The following MTA3 variants were observed in gnomAD, a reference collection of about 807,000 sequenced individuals.
MTA3 encodes the protein metastasis-associated protein MTA3.
In MTA3, 34 loss-of-function variants were observed where a neutral mutation model predicts 83.5. The observed-to-expected ratio is 0.41, with a 90% CI of 0.31 to 0.54. The LOEUF (loss-of-function observed/expected upper bound fraction) is 0.54, where lower values mean the gene tolerates loss of function less well. Ranked by LOEUF, MTA3 falls within the 20% of genes least tolerant of loss-of-function variation. The probability of loss-of-function intolerance (pLI) is 0.33; values close to 1 mark genes in which losing one functional copy is unlikely to be tolerated. For synonymous variants in MTA3, 303 were observed against 252.7 expected (o/e 1.20, Z -1.89); for missense variants, 761 against 726.4 (o/e 1.05, Z -0.55).
At chr2:42,554,241 AT>A (rs1677273678) in intron 2 of MTA3, among the ~76,000 whole-genome samples, 1 of 152,192 alleles carries the variant, frequency 6.6e-6, no homozygotes, top group African/African-American at 2.4e-5. Flanking sequence ...CTCAAAAAAA[AT>A]AAAGTAAAAT....
intron 2 of MTA3, among the ~76,000 whole-genome samples, chr2:42,499,772 AG>A (rs57173325): frequency 0.27 from 39,336 of 147,366 alleles, 5,733 homozygotes; most frequent in African/African-American, 0.36. Context: ...TAGGCAACAG[AG>A]GGAAAAAAAA....
chr2:42,641,810 G>A (rs1687719631), intron 5 of MTA3, among the ~76,000 whole-genome samples: 1 of 151,996 alleles, frequency 6.6e-6, no homozygotes, highest in Admixed American at 6.6e-5. Context: ...AGGTTGCAGT[G>A]AGCCGAGATC....
intron 2 of MTA3, among the ~76,000 whole-genome samples, chr2:42,527,601 T>C (rs1675774964): frequency 6.6e-6 from 1 of 152,152 alleles, no homozygotes; most frequent in Non-Finnish European, 1.5e-5. Flanking sequence ...CTACATTATC[T>C]ACAGAATACC....
intron 16 of MTA3, among the ~76,000 whole-genome samples, chr2:42,728,527 G>A (rs1330331793): frequency 6.6e-6 from 1 of 152,124 alleles, no homozygotes; most frequent in Non-Finnish European, 1.5e-5. Flanking sequence ...TCTCATAGTG[G>A]TTGTACTAAT....
intron 3 of MTA3, among the ~76,000 whole-genome samples, chr2:42,596,627 A>T (rs1320030806): frequency 6.6e-6 from 1 of 152,188 alleles, no homozygotes; most frequent in South Asian, 2.1e-4. Context: ...CAAAGCAAGT[A>T]CTGTATTAAT....
Position 42,753,755 on chromosome 2 carries a change from C to T in MTA3, c.*356C>T. 1 of 1,147,604 alleles carries T rather than the reference C, an allele frequency of 8.7e-7. No homozygotes were observed. The highest frequency in any genetic ancestry group is 1.1e-6 in the Non-Finnish European group (1 of 926,418). 71.1% of individuals were successfully genotyped at this position (1,147,604 alleles called of 1,614,324 possible). On this transcript the variant is annotated 3_prime_UTR_variant, in exon 17 of 17. Coordinates refer to ENST00000405094, the MANE Select transcript of MTA3 (RefSeq NM_001330442.2). ...CTTGGCAGTGGGGCTGCTGCAAGCT[C>T]AGAGCCGCTGCCACCCTGCATGTGT...
At chr2:42,495,769 G>A (rs78240960) in intron 2 of MTA3, among the ~76,000 whole-genome samples, 22,742 of 152,130 alleles carry the variant, frequency 0.15, 2,088 homozygotes, top group Middle Eastern at 0.22. Flanking sequence ...TTTATTTCAG[G>A]AAGATGCCTT....
chr2:42,661,994 T>C (rs998026857), intron 8 of MTA3, among the ~76,000 whole-genome samples: 24 of 152,304 alleles, frequency 1.6e-4, no homozygotes, highest in African/African-American at 5.8e-4. Context: ...GTTTTTATAG[T>C]TGTATTATTT....
intron 11 of MTA3, chr2:42,702,193 AAG>A (rs1489639185): frequency 6.6e-6 from 1 of 152,418 alleles, no homozygotes; most frequent in African/African-American, 2.4e-5. Context: ...CCTGGGTCAC[AAG>A]AGCGAGACTT....
intron 14 of MTA3, among the ~76,000 whole-genome samples, chr2:42,716,129 T>C (rs1347724521): frequency 1.3e-5 from 2 of 152,172 alleles, no homozygotes; most frequent in African/African-American, 2.4e-5. Flanking sequence ...TATTCAACAA[T>C]AGGTGAAAAG....
intron 3 of MTA3, among the ~76,000 whole-genome samples, chr2:42,598,287 T>C (rs1185068491): frequency 1.3e-5 from 2 of 151,096 alleles, no homozygotes; most frequent in Non-Finnish European, 3.0e-5. Context: ...GGATGGTCTG[T>C]ATCTCCTGAC....
At chr2:42,629,283 G>T (rs1381629582) in intron 4 of MTA3, among the ~76,000 whole-genome samples, 2 of 152,024 alleles carry the variant, frequency 1.3e-5, no homozygotes, top group Non-Finnish European at 2.9e-5. Context: ...GTTTCACCGT[G>T]TTGGCCAGGC....
intron 2 of MTA3, among the ~76,000 whole-genome samples, chr2:42,549,838 A>G (rs182883719): frequency 1.5e-3 from 222 of 150,264 alleles, no homozygotes; most frequent in African/African-American, 5.2e-3. Context: ...TCCCACTGTA[A>G]GATGAAATCC....
chr2:42,554,539 A>C (rs571664481), intron 2 of MTA3, among the ~76,000 whole-genome samples: 2 of 152,318 alleles, frequency 1.3e-5, no homozygotes, highest in East Asian at 3.9e-4. Flanking sequence ...ACTGAGAAAA[A>C]GCACATCCCT....
intron 2 of MTA3, among the ~76,000 whole-genome samples, chr2:42,509,329 C>T (rs1674791000): frequency 1.3e-5 from 2 of 152,176 alleles, no homozygotes; most frequent in South Asian, 4.1e-4. Context: ...AGGTTAGAGC[C>T]ACTGCGCCTG....
In MTA3 at chr2:42,754,099, A is replaced by G. The variant is rs930421; in HGVS notation, c.*700A>G. The stretch of plus-strand genomic sequence containing the variant: ...ATCTGTGTTTTGTGGTTGGAGAGAA[A>G]CTGGTGTTCTGCCCGGCTCTGCTTG... On this transcript the variant is annotated 3_prime_UTR_variant, in exon 17 of 17. Transcript: ENST00000405094. The G allele has an allele frequency of 0.33, 329,014 of 985,122 alleles. 55,368 individuals carry two copies. The highest frequency in any genetic ancestry group is 0.46 in the Middle Eastern group (872 of 1,914). The allele number at this position is 985,122 out of a possible 1,614,324, so 61.0% of individuals were successfully genotyped here. A position where few individuals can be genotyped will look rare whatever the true frequency, so the allele number is the denominator to read the frequency against.
intron 14 of MTA3, among the ~76,000 whole-genome samples, chr2:42,711,082 A>C (rs1449561459): frequency 6.6e-6 from 1 of 150,722 alleles, no homozygotes; most frequent in Non-Finnish European, 1.5e-5. Flanking sequence ...ATTAAAAAAT[A>C]AATAAATAAA....
chr2:42,581,390 G>T (rs1213700549), intron 3 of MTA3, among the ~76,000 whole-genome samples: 2 of 127,758 alleles, frequency 1.6e-5, no homozygotes, highest in Non-Finnish European at 3.2e-5. Context: ...TTTTTTCGGA[G>T]ACAGGGTCTT....
At chr2:42,683,179 G>A (rs1223034086) in intron 9 of MTA3, among the ~76,000 whole-genome samples, 1 of 152,168 alleles carries the variant, frequency 6.6e-6, no homozygotes, top group Non-Finnish European at 1.5e-5. Context: ...TGAGTTCCAA[G>A]TTAAAATCTG....
Sources: allele counts gnomAD v4.1 joint callset (sites outside exome capture counted in the v4.1 genomes callset), GRCh38; gene constraint gnomAD v4.1.1; transcripts MANE v1.5; gene names NCBI Gene and HGNC (gene_info 2026-07-23, HGNC 2026-07-21).